CDK5RAP2: variants seen among roughly 807,000 people sequenced by gnomAD.
CDK5RAP2 encodes the protein CDK5 regulatory subunit-associated protein 2.
A neutral mutation model predicts 232.9 loss-of-function variants in CDK5RAP2; 147 were observed. The observed-to-expected ratio is 0.63, with a 90% CI of 0.55 to 0.72. The LOEUF is 0.72. Ranked by LOEUF, CDK5RAP2 falls within the 30% of genes least tolerant of loss-of-function variation. CDK5RAP2 has a pLI of 0.00. For missense variants in CDK5RAP2, 2,195 were observed against 2,231.5 expected, an observed-to-expected ratio of 0.98 and a Z score of 0.33; for synonymous variants, 833 against 833.7, an observed-to-expected ratio of 1.00 and a Z score of 0.01.
chr9:120,419,790 T>G lies in CDK5RAP2; in HGVS notation c.4175A>C (p.Gln1392Pro). Residue 1392 changes from glutamine to proline, a missense_variant and splice_region_variant, in exon 27 of 38, where the codon CAA (glutamine) becomes CCA (proline). Physicochemically the swap from Gln to Pro is moderately conservative, Grantham distance 76. Transcript: ENST00000349780. Reference sequence around the variant, plus strand: ...ACACTTAATGAGGCTTAGCTTACCTTGAGAAAAACTGTTCACCATAACTGA... The same window carrying G: ...ACACTTAATGAGGCTTAGCTTACCTGGAGAAAAACTGTTCACCATAACTGA... ...KTSVMVNSFS[Q>P]DLLMEHIQEI... is the part of the protein sequence containing the mutation. 6.2e-7 allele frequency: 1 copy of G among 1,612,634 alleles called. No homozygotes were observed. Among genetic ancestry groups the G allele is most frequent in the Non-Finnish European group, 8.5e-7 (1 of 1,178,612 alleles).
At chr9:120,575,565 C>A (rs2043003581) in intron 1 of CDK5RAP2, among the ~76,000 whole-genome samples, 1 of 152,110 alleles carries the variant, frequency 6.6e-6, no homozygotes, top group Non-Finnish European at 1.5e-5. Flanking sequence ...ATGGATGAGA[C>A]CAGATATCAC....
At chr9:120,445,785 T>C (rs1274497485) in intron 22 of CDK5RAP2, among the ~76,000 whole-genome samples, 2 of 152,196 alleles carry the variant, frequency 1.3e-5, no homozygotes, top group Non-Finnish European at 2.9e-5. Context: ...TAGCTTCAAA[T>C]ATTACCAAAA....
intron 22 of CDK5RAP2, among the ~76,000 whole-genome samples, chr9:120,447,689 C>A (rs185740552): frequency 6.6e-5 from 10 of 152,324 alleles, no homozygotes. Context: ...TTTATCCAGA[C>A]TCCAGAATAA....
chr9:120,447,892 T>C lies in CDK5RAP2; in HGVS notation c.3025+3A>G. 2 of 1,609,444 alleles carry C rather than the reference T, an allele frequency of 1.2e-6. No homozygotes were observed. The highest frequency in any genetic ancestry group is 1.7e-6 in the Non-Finnish European group (2 of 1,175,684). On this transcript the variant is annotated splice_donor_region_variant and intron_variant, in intron 22 of 37. Transcript: ENST00000349780. Reference sequence around the variant, plus strand: ...CAGGGAATACATTTTTCTTGGTGCTTACCATTCAGCAACGTTTTGTCGGGC... The same window carrying C: ...CAGGGAATACATTTTTCTTGGTGCTCACCATTCAGCAACGTTTTGTCGGGC...
At chr9:120,535,718 G>T (rs372186616) in intron 7 of CDK5RAP2, among the ~76,000 whole-genome samples, 6 of 152,224 alleles carry the variant, frequency 3.9e-5, no homozygotes, top group African/African-American at 1.2e-4. Flanking sequence ...TGCAAAATAT[G>T]ATGGGCACTA....
At chr9:120,476,161 A>C (rs747119824) in intron 15 of CDK5RAP2, among the ~76,000 whole-genome samples, 16 of 152,056 alleles carry the variant, frequency 1.1e-4, no homozygotes, top group Non-Finnish European at 1.8e-4. Context: ...GAGAGGGAGA[A>C]ATGAGGGGTG....
chr9:120,500,938 G>A (rs1440241736), intron 12 of CDK5RAP2, among the ~76,000 whole-genome samples: 1 of 152,134 alleles, frequency 6.6e-6, no homozygotes, highest in Non-Finnish European at 1.5e-5. Flanking sequence ...AGTAAGGGGG[G>A]GCCTGGGAAC....
chr9:120,418,079 C>T (rs967475015), intron 27 of CDK5RAP2, among the ~76,000 whole-genome samples: 2 of 152,162 alleles, frequency 1.3e-5, no homozygotes, highest in Non-Finnish European at 2.9e-5. Flanking sequence ...ACTAAATTAT[C>T]TCTCTACCGA....
intron 12 of CDK5RAP2, among the ~76,000 whole-genome samples, chr9:120,518,210 T>TGTGTGTGTGAGACA (rs1554770753): frequency 6.1e-4 from 27 of 44,006 alleles, no homozygotes; most frequent in Non-Finnish European, 8.9e-4. Flanking sequence ...TGTGTGTGTG[T>TGTGTGTGTGAGACA]GAGAGAGAGA....
At chr9:120,402,311 CACA>C (rs1010519083) in intron 34 of CDK5RAP2, among the ~76,000 whole-genome samples, 27 of 152,172 alleles carry the variant, frequency 1.8e-4, no homozygotes, top group African/African-American at 5.5e-4. Context: ...ATAAAAAAAA[CACA>C]ACAACAACAA....
At position 120,409,185 on chromosome 9, in the gene CDK5RAP2, C is replaced by A. The variant is rs374351172; in HGVS notation, c.4546G>T (p.Glu1516Ter). The A allele has an allele frequency of 3.2e-5, 52 of 1,613,660 alleles. No individual in the cohort carries two copies. The highest frequency in any genetic ancestry group is 4.2e-5 in the Non-Finnish European group (50 of 1,180,052). ...TGGATCAGCTGCTGGTTGTGTCTCT[C>A]CTTCTCGCTGCCTTCTTTCTGCAGC... ...ERLQKEGSEK[E>*]RHNQQLIQEV... is the part of the protein sequence containing the mutation. Residue 1516 changes from glutamate to a stop codon, truncating the protein, a stop_gained, in exon 30 of 38, where the codon GAG becomes TAG. Transcript: ENST00000349780. LOFTEE classifies it high-confidence loss of function.
At position 120,571,955 on chromosome 9, in the gene CDK5RAP2, C is replaced by A. The variant is rs1389253251; in HGVS notation, c.127+19G>T. ...TCCTTGTTCTTTACTCAAGAGAATG[C>A]CTGGTTTTGTGTACTTACGACCATT... On this transcript the variant is annotated intron_variant, in intron 2 of 37. Coordinates refer to ENST00000349780, the MANE Select transcript of CDK5RAP2 (RefSeq NM_018249.6). 1 of 1,598,326 alleles carries A rather than the reference C, an allele frequency of 6.3e-7. No individual in the cohort carries two copies. The highest frequency in any genetic ancestry group is 2.2e-5 in the East Asian group (1 of 44,840).
chr9:120,399,763 G>A (rs115045809), intron 35 of CDK5RAP2, among the ~76,000 whole-genome samples: 2,281 of 152,148 alleles, frequency 0.015, 48 homozygotes, highest in African/African-American at 0.051. Context: ...CCAGCTAAAC[G>A]TGGGCCAAAA....
chr9:120,520,773 G>GAGATATATCTCATAAGATATATCTCAT (rs1564332379), intron 11 of CDK5RAP2, among the ~76,000 whole-genome samples: 3 of 64,390 alleles, frequency 4.7e-5, no homozygotes, highest in African/African-American at 1.6e-4. Flanking sequence ...ATATATCTCA[G>GAGATATATCTCATAAGATATATCTCAT]ATATCTCATG....
At chr9:120,506,057 A>G (rs2039794815) in intron 12 of CDK5RAP2, among the ~76,000 whole-genome samples, 1 of 152,234 alleles carries the variant, frequency 6.6e-6, no homozygotes, top group Admixed American at 6.5e-5. Flanking sequence ...TAGGAGTTTC[A>G]TAGCTAAAGA....
chr9:120,579,068 A>T (rs1317397697), intron 1 of CDK5RAP2, among the ~76,000 whole-genome samples: 1 of 152,192 alleles, frequency 6.6e-6, no homozygotes, highest in Non-Finnish European at 1.5e-5. Flanking sequence ...GCCGTGGAGC[A>T]GAGTTGCGCT....
At chr9:120,445,069 G>A (rs977441887) in intron 22 of CDK5RAP2, among the ~76,000 whole-genome samples, 4 of 152,038 alleles carry the variant, frequency 2.6e-5, no homozygotes, top group Admixed American at 6.6e-5. Context: ...CATTTCCTTC[G>A]TTGGCAAGTC....
intron 36 of CDK5RAP2, among the ~76,000 whole-genome samples, chr9:120,392,176 C>T (rs897967466): frequency 6.6e-6 from 1 of 152,026 alleles, no homozygotes; most frequent in Non-Finnish European, 1.5e-5. Context: ...GTGCTAAGTA[C>T]AATACAGTTT....
intron 9 of CDK5RAP2, among the ~76,000 whole-genome samples, chr9:120,528,445 T>C (rs552513407): frequency 3.9e-5 from 6 of 152,354 alleles, no homozygotes; most frequent in African/African-American, 1.4e-4. Context: ...AGAGGAACCA[T>C]GGCACATGGG....
Sources: allele counts gnomAD v4.1 joint callset (sites outside exome capture counted in the v4.1 genomes callset), GRCh38; gene constraint gnomAD v4.1.1; transcripts MANE v1.5; gene names NCBI Gene and HGNC (gene_info 2026-07-23, HGNC 2026-07-21).